RFFL: variants seen among roughly 807,000 people sequenced by gnomAD.
The protein encoded by RFFL is ring finger and FYVE like domain containing E3 ubiquitin protein ligase.
A neutral mutation model predicts 40.4 loss-of-function variants in RFFL; 16 were observed. The observed-to-expected ratio is 0.40, with a 90% CI of 0.27 to 0.60. The LOEUF (loss-of-function observed/expected upper bound fraction) is 0.60, where lower values mean the gene tolerates loss of function less well. Ranked by LOEUF, RFFL falls within the 20% of genes least tolerant of loss-of-function variation. The probability of loss-of-function intolerance (pLI) is 0.47; values close to 1 mark genes in which losing one functional copy is unlikely to be tolerated. For synonymous variants in RFFL, 154 were observed against 167.9 expected (o/e 0.92, Z 0.64); for missense variants, 367 against 451.7 (o/e 0.81, Z 1.70).
At chr17:35,033,422 G>A (rs1387523350) in intron 1 of RFFL, among the ~76,000 whole-genome samples, 1 of 151,876 alleles carries the variant, frequency 6.6e-6, no homozygotes, top group East Asian at 1.9e-4. Context: ...AAGCTACTGG[G>A]GAAGCTGAGA....
At chr17:35,032,444 A>AG (rs2091091348) in intron 1 of RFFL, among the ~76,000 whole-genome samples, 1 of 152,128 alleles carries the variant, frequency 6.6e-6, no homozygotes, top group African/African-American at 2.4e-5. Context: ...AGACGAGAGA[A>AG]GGGGGAGAGA....
chr17:35,041,582 GA>G (rs1192903096), intron 1 of RFFL, among the ~76,000 whole-genome samples: 1 of 130,400 alleles, frequency 7.7e-6, no homozygotes. Context: ...GTGAAGAACC[GA>G]AAGGTAGTGT....
intron 1 of RFFL, among the ~76,000 whole-genome samples, chr17:35,078,043 T>C (rs1026098601): frequency 1.8e-4 from 27 of 152,316 alleles, no homozygotes; most frequent in African/African-American, 5.8e-4. Context: ...TGTGTGGTTC[T>C]TTCTCACATA....
chr17:35,024,198 G>A (rs943622965), intron 2 of RFFL, among the ~76,000 whole-genome samples: 29 of 152,186 alleles, frequency 1.9e-4, no homozygotes, highest in African/African-American at 5.5e-4. Context: ...GCTGGCTCCC[G>A]TTTGCCAACT....
At chr17:35,044,698 ACTCTATC>A (rs760255594) in intron 1 of RFFL, among the ~76,000 whole-genome samples, 1 of 152,008 alleles carries the variant, frequency 6.6e-6, no homozygotes, top group Non-Finnish European at 1.5e-5. Flanking sequence ...CTTACTCCTT[ACTCTATC>A]CTATTCTTTC....
At chr17:35,048,141 G>A (rs1166109747) in intron 1 of RFFL, among the ~76,000 whole-genome samples, 1 of 152,048 alleles carries the variant, frequency 6.6e-6, no homozygotes, top group Non-Finnish European at 1.5e-5. Flanking sequence ...GGTGGCTCAT[G>A]CCTGTAATCC....
intron 5 of RFFL, among the ~76,000 whole-genome samples, chr17:35,015,509 C>G (rs1300043801): frequency 1.3e-5 from 2 of 152,298 alleles, no homozygotes; most frequent in African/African-American, 2.4e-5. Context: ...AAAGGGAAAA[C>G]AGACTCCATG....
intron 1 of RFFL, among the ~76,000 whole-genome samples, chr17:35,058,719 C>T (rs1274414444): frequency 2.6e-5 from 4 of 151,998 alleles, no homozygotes; most frequent in African/African-American, 9.7e-5. Flanking sequence ...TGCAGTGAGC[C>T]GAGATTGCGC....
chr17:35,012,673 C>G (rs761785990), intron 6 of RFFL, among the ~76,000 whole-genome samples: 1 of 152,222 alleles, frequency 6.6e-6, no homozygotes, highest in Non-Finnish European at 1.5e-5. Context: ...GGGGACCCCT[C>G]TGCTATCTCA....
chr17:35,072,746 A>AT (rs1473744753), intron 1 of RFFL, among the ~76,000 whole-genome samples: 1 of 146,858 alleles, frequency 6.8e-6, no homozygotes, highest in Non-Finnish European at 1.5e-5. Context: ...AAAATAAAGT[A>AT]TAAAAAAAAA....
At chr17:35,036,600 T>C (rs1218170402) in intron 1 of RFFL, 1 of 152,220 alleles carries the variant, frequency 6.6e-6, no homozygotes, top group Non-Finnish European at 1.5e-5. Flanking sequence ...CCTTGTGATA[T>C]GAGGCAAGAA....
chr17:35,064,147 T>A (rs1025020308), upstream of RFFL, among the ~76,000 whole-genome samples: 15 of 152,226 alleles, frequency 9.9e-5, no homozygotes, highest in Admixed American at 1.3e-4. Flanking sequence ...ACTTGCCCAG[T>A]CATCATTAGC....
chr17:35,024,310 A>C (rs542881253), intron 2 of RFFL, among the ~76,000 whole-genome samples: 1 of 152,282 alleles, frequency 6.6e-6, no homozygotes, highest in South Asian at 2.1e-4. Context: ...TGGATGCTCC[A>C]GAAAAGGTAA....
At chr17:35,029,546 A>G (rs937591542) in intron 1 of RFFL, among the ~76,000 whole-genome samples, 1 of 126,492 alleles carries the variant, frequency 7.9e-6, no homozygotes. Flanking sequence ...TTTGAGACGG[A>G]GTCTTGCCCT....
Position 35,005,991 on chromosome 17 carries a change from G to A in RFFL, c.*5977C>T. On this transcript the variant is annotated 3_prime_UTR_variant, in exon 7 of 7. Transcript: ENST00000394597. ...ATTGATAATACCAACAATGTTGAGT[G>A]GCATTTTCTTCTTAGTTTTTAATTT... is the stretch of plus-strand genomic sequence containing the variant. The A allele has an allele frequency of 4.1e-6, 1 of 242,120 alleles. No homozygotes were observed. 15.0% of individuals were successfully genotyped at this position (242,120 alleles called of 1,614,324 possible). A position where few individuals can be genotyped will look rare whatever the true frequency, so the allele number is the denominator to read the frequency against.
chr17:35,046,869 C>T (rs905776923), intron 1 of RFFL, among the ~76,000 whole-genome samples: 39 of 152,182 alleles, frequency 2.6e-4, no homozygotes, highest in South Asian at 4.1e-4. Flanking sequence ...GATTGAACAC[C>T]GCAGCAGAGA....
intron 1 of RFFL, among the ~76,000 whole-genome samples, chr17:35,041,345 C>T (rs1263867677): frequency 6.6e-6 from 1 of 152,028 alleles, no homozygotes; most frequent in African/African-American, 2.4e-5. Flanking sequence ...AAGTGATCTT[C>T]CTTGGATGGA....
chr17:35,086,723 A>G (rs1023210700), intron 1 of RFFL, among the ~76,000 whole-genome samples: 10 of 152,314 alleles, frequency 6.6e-5, no homozygotes, highest in African/African-American at 2.4e-4. Context: ...ACAAGTTATG[A>G]GATTCTAAGG....
At chr17:35,045,141 A>T (rs2091191128) in intron 1 of RFFL, among the ~76,000 whole-genome samples, 4 of 152,220 alleles carry the variant, frequency 2.6e-5, no homozygotes, top group Admixed American at 2.0e-4. Flanking sequence ...ACAACAGGCA[A>T]GGTCCTTGAA....
Sources: allele counts gnomAD v4.1 joint callset (sites outside exome capture counted in the v4.1 genomes callset), GRCh38; gene constraint gnomAD v4.1.1; transcripts MANE v1.5; gene names NCBI Gene and HGNC (gene_info 2026-07-23, HGNC 2026-07-21).